Variants in CCNYL1 observed in about 807,000 individuals in gnomAD.
The protein encoded by CCNYL1 is cyclin-Y-like protein 1.
CCNYL1 carries 16 observed loss-of-function variants against 44.2 expected under a neutral mutation model. That is an observed-to-expected ratio of 0.36 (90% CI 0.25 to 0.55). CCNYL1 has a LOEUF of 0.55. Ranked by LOEUF, CCNYL1 falls within the 20% of genes least tolerant of loss-of-function variation. The probability of loss-of-function intolerance (pLI) is 0.85; values close to 1 mark genes in which losing one functional copy is unlikely to be tolerated. For synonymous variants in CCNYL1, 159 were observed against 163.2 expected (o/e 0.97, Z 0.20); for missense variants, 348 against 451.8 (o/e 0.77, Z 2.08).
intron 1 of CCNYL1, among the ~76,000 whole-genome samples, chr2:207,718,686 C>A (rs1036905746): frequency 1.3e-5 from 2 of 152,144 alleles, no homozygotes; most frequent in Admixed American, 1.3e-4. Context: ...ACAATACATT[C>A]TTTGGTGTGG....
At chr2:207,747,013 A>T in intron 7 of CCNYL1, 34 bp from the exon 8 acceptor site, 1 of 1,559,536 alleles carries the variant, frequency 6.4e-7, no homozygotes, top group Non-Finnish European at 8.8e-7. Flanking sequence ...ATTTAAACTG[A>T]ACTAAAATCA....
intron 5 of CCNYL1, among the ~76,000 whole-genome samples, chr2:207,738,249 T>G (rs1164803712): frequency 6.6e-6 from 1 of 151,988 alleles, no homozygotes; most frequent in East Asian, 1.9e-4. Flanking sequence ...TGAGACGGAG[T>G]CTTGTCTGTT....
In CCNYL1 at chr2:207,711,954, C is replaced by T. The variant is rs1371338446; in HGVS notation, c.58C>T (p.Arg20Cys). The T allele has an allele frequency of 5.7e-6, 8 of 1,401,168 alleles. No individual in the cohort carries two copies. Among genetic ancestry groups the T allele is most frequent in the Non-Finnish European group, 7.4e-6 (8 of 1,074,826 alleles). The allele number at this position is 1,401,168 out of a possible 1,614,324, so 86.8% of individuals were successfully genotyped here. A position where few individuals can be genotyped will look rare whatever the true frequency, so the allele number is the denominator to read the frequency against. Residue 20 changes from arginine (R) to cysteine (C), a missense_variant, in exon 1 of 10, where the codon CGC (arginine) becomes TGC (cysteine). Physicochemically the swap from Arg to Cys is radical, Grantham distance 180 (BLOSUM62 -3). Around this residue, in one of 3 missense-constraint regions of CCNYL1, gnomAD observed 209 missense variants for 247.7 expected, o/e 0.84. Transcript: ENST00000295414. ...SPNASPKLGR[R>C]AGSAELYCAS... ...CAATGCCAGCCCCAAGCTGGGCCGG[C>T]GCGCGGGGTCGGCGGAGCTGTACTG...
chr2:207,731,812 T>C (rs1172761859), intron 3 of CCNYL1, among the ~76,000 whole-genome samples: 2 of 147,206 alleles, frequency 1.4e-5, no homozygotes, highest in African/African-American at 5.0e-5. Context: ...TCTTCTTTTT[T>C]TTTTTTTTTT....
chr2:207,731,503 TTTG>T (rs1215809027), intron 3 of CCNYL1, among the ~76,000 whole-genome samples: 1 of 152,134 alleles, frequency 6.6e-6, no homozygotes, highest in African/African-American at 2.4e-5. Context: ...TCAGTAGTGT[TTTG>T]TTGTTTGGAT....
intron 4 of CCNYL1, 34 bp from the exon 5 acceptor site, chr2:207,737,377 A>G (rs1488908329): frequency 1.3e-6 from 2 of 1,530,386 alleles, no homozygotes; most frequent in Non-Finnish European, 1.8e-6. Flanking sequence ...TGTTTAAATC[A>G]GTTGTTAAAA....
chr2:207,719,489 A>G (rs2091623198), intron 1 of CCNYL1, among the ~76,000 whole-genome samples: 1 of 151,680 alleles, frequency 6.6e-6, no homozygotes, highest in Non-Finnish European at 1.5e-5. Context: ...TTAGTAGAGA[A>G]GGGGTTTCGC....
intron 1 of CCNYL1, among the ~76,000 whole-genome samples, chr2:207,718,139 C>T (rs892566334): frequency 6.6e-6 from 1 of 152,082 alleles, no homozygotes; most frequent in African/African-American, 2.4e-5. Flanking sequence ...CTCCCAACCT[C>T]GTGATCCACC....
intron 9 of CCNYL1, among the ~76,000 whole-genome samples, chr2:207,752,253 A>G (rs2091898803): frequency 6.6e-6 from 1 of 152,154 alleles, no homozygotes; most frequent in Non-Finnish European, 1.5e-5. Flanking sequence ...CAAATGCTGG[A>G]TGTAAGTGGT....
intron 1 of CCNYL1, among the ~76,000 whole-genome samples, chr2:207,715,679 C>CT (rs368268330): frequency 0.014 from 1,939 of 139,350 alleles, 37 homozygotes; most frequent in African/African-American, 0.042. Flanking sequence ...CGCGCCTGGC[C>CT]TTTTTTTTTT....
At chr2:207,719,986 G>T (rs1033814163) in intron 1 of CCNYL1, among the ~76,000 whole-genome samples, 1 of 152,048 alleles carries the variant, frequency 6.6e-6, no homozygotes, top group Non-Finnish European at 1.5e-5. Context: ...TCAGGAGATG[G>T]AGACCATCCT....
At chr2:207,736,918 GT>G (rs776221094) in intron 4 of CCNYL1, among the ~76,000 whole-genome samples, 154 of 141,516 alleles carry the variant, frequency 1.1e-3, no homozygotes, top group East Asian at 9.9e-3. Flanking sequence ...ATATTACTGG[GT>G]TTTTTTTTTT....
At chr2:207,736,255 G>C (rs1420834277) in intron 4 of CCNYL1, among the ~76,000 whole-genome samples, 6 of 152,194 alleles carry the variant, frequency 3.9e-5, no homozygotes. Flanking sequence ...TAATGTTACA[G>C]ACTTTTTAAA....
At position 207,711,734 on chromosome 2, in the gene CCNYL1, G is replaced by T. The variant is rs887786093; in HGVS notation, c.-163G>T. The T allele has an allele frequency of 7.2e-5, 22 of 303,932 alleles. No individual in the cohort carries two copies. Among genetic ancestry groups the T allele is most frequent in the Non-Finnish European group, 1.2e-4 (21 of 173,960 alleles). The allele number at this position is 303,932 out of a possible 1,614,324, so 18.8% of individuals were successfully genotyped here. ...CCCGGGGCCGGGCCGCGGGGCGGGC[G>T]GGCGAACCGCGGGCGAGGCGGCGTC... On this transcript the variant is annotated 5_prime_UTR_variant, in exon 1 of 10. Coordinates refer to ENST00000295414, the MANE Select transcript of CCNYL1 (RefSeq NM_001330218.2).
chr2:207,730,709 G>T (rs1009973695), intron 3 of CCNYL1, among the ~76,000 whole-genome samples: 3 of 152,158 alleles, frequency 2.0e-5, no homozygotes, highest in African/African-American at 7.2e-5. Context: ...AGTGAGCCAA[G>T]ATTGCACCAC....
At chr2:207,727,732 C>T (rs999893434) in intron 3 of CCNYL1, among the ~76,000 whole-genome samples, 2 of 152,132 alleles carry the variant, frequency 1.3e-5, no homozygotes, top group African/African-American at 2.4e-5. Context: ...ACGGGTTTTT[C>T]CTAAGACTGT....
intron 2 of CCNYL1, 22 bp downstream of exon 2, chr2:207,724,896 C>T: frequency 6.4e-7 from 1 of 1,573,632 alleles, no homozygotes; most frequent in Non-Finnish European, 8.7e-7. Context: ...CTGTTTTTTC[C>T]TTCCAAGGAA....
intron 7 of CCNYL1, among the ~76,000 whole-genome samples, chr2:207,745,575 A>T (rs886177241): frequency 6.6e-6 from 1 of 152,236 alleles, no homozygotes; most frequent in Non-Finnish European, 1.5e-5. Context: ...TTTTGAAAAC[A>T]CAGTCCAGTT....
rs753515663 is a variant in CCNYL1 at position 207,712,008 on chromosome 2, G to T, written c.112G>T (p.Gly38Trp). The change falls in exon 1 of 10, where the codon GGG becomes TGG. Residue 38 changes from glycine to tryptophan, a missense_variant. Transcript: ENST00000295414. ...CASDIYEAVS[G>W]DAVAVAPAVV... ...GTCCGACATCTACGAGGCGGTGTCC[G>T]GGGACGCGGTGGCGGTAGCGCCCGC... 6.8e-7 allele frequency: 1 copy of T among 1,479,908 alleles called. No homozygotes were observed. The highest frequency in any genetic ancestry group is 2.4e-5 in the Admixed American group (1 of 42,326). The allele number at this position is 1,479,908 out of a possible 1,614,324, so 91.7% of individuals were successfully genotyped here. A position where few individuals can be genotyped will look rare whatever the true frequency, so the allele number is the denominator to read the frequency against.
Sources: allele counts gnomAD v4.1 joint callset (sites outside exome capture counted in the v4.1 genomes callset), GRCh38; gene constraint gnomAD v4.1.1; regional missense constraint gnomAD v4.1.1; transcripts MANE v1.5; gene names NCBI Gene and HGNC (gene_info 2026-07-23, HGNC 2026-07-21).